BTBD7: variants seen among roughly 807,000 people sequenced by gnomAD.
The protein encoded by BTBD7 is BTB/POZ domain-containing protein 7.
A neutral mutation model predicts 99.9 loss-of-function variants in BTBD7; 38 were observed. The ratio of observed to expected loss-of-function variants is 0.38; its 90% CI spans 0.29 to 0.50. BTBD7 has a LOEUF of 0.50. BTBD7 is among the 20% of genes least tolerant of loss of function. BTBD7 has a pLI of 0.93. For missense variants in BTBD7, 1,170 were observed against 1,394.6 expected, an observed-to-expected ratio of 0.84 and a Z score of 2.57; for synonymous variants, 520 against 511.4, an observed-to-expected ratio of 1.02 and a Z score of -0.23.
At chr14:93,269,255 T>C (rs2052575419) in intron 3 of BTBD7, among the ~76,000 whole-genome samples, 1 of 152,180 alleles carries the variant, frequency 6.6e-6, no homozygotes, top group Admixed American at 6.5e-5. Flanking sequence ...TTTAATCTGA[T>C]GGTAAAGGAT....
At chr14:93,313,861 G>C (rs2053168478) in intron 1 of BTBD7, among the ~76,000 whole-genome samples, 1 of 152,008 alleles carries the variant, frequency 6.6e-6, no homozygotes, top group South Asian at 2.1e-4. Flanking sequence ...AGCCTCCCAA[G>C]TAGCTAGGAC....
At chr14:93,251,350 A>G in intron 8 of BTBD7, 113 bp downstream of exon 8, 1 of 1,158,160 alleles carries the variant, frequency 8.6e-7, no homozygotes, top group Admixed American at 2.6e-5. Context: ...CAAGGCATAA[A>G]AAGTATTGAA....
intron 3 of BTBD7, among the ~76,000 whole-genome samples, chr14:93,280,173 A>C (rs2052702326): frequency 6.6e-6 from 1 of 152,256 alleles, no homozygotes; most frequent in African/African-American, 2.4e-5. Flanking sequence ...AGGCACAAAA[A>C]TAACAACTAA....
intron 3 of BTBD7, among the ~76,000 whole-genome samples, chr14:93,276,174 C>A (rs114858704): frequency 6.6e-6 from 1 of 152,168 alleles, no homozygotes; most frequent in African/African-American, 2.4e-5. Flanking sequence ...TGTGATCATG[C>A]CACTGCAGCA....
intron 7 of BTBD7, among the ~76,000 whole-genome samples, chr14:93,252,513 C>T (rs1195723256): frequency 1.3e-5 from 2 of 149,990 alleles, no homozygotes; most frequent in African/African-American, 2.4e-5. Flanking sequence ...CACACCACCA[C>T]GCCTGGCTAG....
intron 1 of BTBD7, among the ~76,000 whole-genome samples, chr14:93,316,009 T>C (rs1210862393): frequency 6.6e-6 from 1 of 150,576 alleles, no homozygotes; most frequent in Non-Finnish European, 1.5e-5. Flanking sequence ...TGGAGTACAA[T>C]GGTGTGATCT....
In BTBD7 at chr14:93,322,807, GTCT is replaced by G. The variant is rs1378127078; in HGVS notation, c.-107+10010_-107+10012del. ...TTTAAAGGTATACTCTATTCCTCTT[GTCT>G]TCATTTTAAAAATAACTACAAGGCT... On this transcript the variant is annotated intron_variant, in intron 1 of 10. Transcript: ENST00000334746. Among the ~76,000 whole-genome samples, 3 of 152,108 alleles carry G rather than the reference GTCT, an allele frequency of 2.0e-5. No homozygotes were observed. The East Asian group carries it at 5.8e-4, about 29-fold the overall frequency.
rs2052761628 is a variant in BTBD7, at chr14:93,285,060, GCTT to G, written c.1162+8795_1162+8797del. On this transcript the variant is annotated intron_variant, in intron 3 of 10. Coordinates refer to ENST00000334746, the MANE Select transcript of BTBD7 (RefSeq NM_001002860.4). Reference sequence around the variant, plus strand: ...TCTGATCTGTTGATAATGGTCTTTAGCTTGGCCCCATTCTTCTCTAGGAAGTAC... The same window carrying G: ...TCTGATCTGTTGATAATGGTCTTTAGGGCCCCATTCTTCTCTAGGAAGTAC... Among the ~76,000 whole-genome samples the G allele has an allele frequency of 2.0e-5, 3 of 152,220 alleles. No individual in the cohort carries two copies. In the East Asian group the frequency reaches 5.8e-4, roughly 29 times the overall value.
rs921054862 is a variant in BTBD7, at chr14:93,242,016, G to C, written c.*257C>G. ...TCATTTGTAAAGAGAAATAAAAAGTGCCAGCCTGCTTGTTCTTAAAAATGC... is the reference window on the plus strand; with the variant it reads ...TCATTTGTAAAGAGAAATAAAAAGTCCCAGCCTGCTTGTTCTTAAAAATGC... On this transcript the variant is annotated 3_prime_UTR_variant, in exon 11 of 11. Coordinates refer to ENST00000334746, the MANE Select transcript of BTBD7 (RefSeq NM_001002860.4). 2.1e-6 allele frequency: 1 copy of C among 472,492 alleles called. No homozygotes were observed. 29.3% of individuals were successfully genotyped at this position (472,492 alleles called of 1,614,324 possible).
Position 93,240,956 on chromosome 14 carries a change from T to G in BTBD7, c.*1317A>C, listed in dbSNP as rs1408963585. 6.6e-6 allele frequency: 1 copy of G among 152,558 alleles called. No individual in the cohort carries two copies. The highest frequency in any genetic ancestry group is 2.4e-5 in the African/African-American group (1 of 41,448). 9.5% of individuals were successfully genotyped at this position (152,558 alleles called of 1,614,324 possible). A position where few individuals can be genotyped will look rare whatever the true frequency, so the allele number is the denominator to read the frequency against. On this transcript the variant is annotated 3_prime_UTR_variant, in exon 11 of 11. Transcript: ENST00000334746. ...AATTTAGACATATTTTGAAAATCGTTTAAAAGAAAACGTATCTTTACAAAC... is the reference window on the plus strand; with the variant it reads ...AATTTAGACATATTTTGAAAATCGTGTAAAAGAAAACGTATCTTTACAAAC...
At chr14:93,322,138 GTCTCAT>G (rs1454763286) in intron 1 of BTBD7, among the ~76,000 whole-genome samples, 5 of 152,124 alleles carry the variant, frequency 3.3e-5, no homozygotes, top group African/African-American at 9.7e-5. Flanking sequence ...TAGAGACAGG[GTCTCAT>G]TCTGTCAACC....
intron 3 of BTBD7, 117 bp from the exon 4 acceptor site, chr14:93,264,110 A>G: frequency 1.2e-6 from 1 of 861,528 alleles, no homozygotes; most frequent in South Asian, 1.7e-5. Flanking sequence ...AAGGAGATAA[A>G]TAAAATCTCA....
rs146686071 is a variant in BTBD7 at position 93,332,938 on chromosome 14, A to ACCGCCG, written c.-231_-226dup. The ACCGCCG allele has an allele frequency of 9.6e-6, 7 of 726,730 alleles. No homozygotes were observed. Among genetic ancestry groups the ACCGCCG allele is most frequent in the Admixed American group, 4.1e-5 (1 of 24,682 alleles). The allele number at this position is 726,730 out of a possible 1,614,324, so 45.0% of individuals were successfully genotyped here. ...CAGCACCCCCGGCCATCCTCCTCCCACCGCCGCCGCCGCCGCCCTCTCCTC... is the reference window on the plus strand; with the variant it reads ...CAGCACCCCCGGCCATCCTCCTCCCACCGCCGCCGCCGCCGCCGCCGCCCTCTCCTC... On this transcript the variant is annotated 5_prime_UTR_variant, in exon 1 of 11. Transcript: ENST00000334746.
rs756695238 is a variant in BTBD7 at position 93,242,320 on chromosome 14, T to A, written c.3352A>T (p.Arg1118Trp). ...AGGAAGTCCGGCTTGCTTGGTGACC[T>A]CCTTCCTCTGCTTATTGAATCTTCC... ...EREDSISRGRRSPSKPDFLYK... is the reference protein window; with the variant it reads ...EREDSISRGRWSPSKPDFLYK... The change falls in exon 11 of 11, where the codon AGG (arginine) becomes TGG (tryptophan). Residue 1118 changes from arginine (R) to tryptophan (W), a missense_variant. By Grantham distance (101) the Arg-to-Trp change is moderately radical. Transcript: ENST00000334746. 2.5e-6 allele frequency: 4 copies of A among 1,614,082 alleles called. No individual in the cohort carries two copies. The African/African-American group carries it at 5.3e-5, about 22-fold the overall frequency.
intron 3 of BTBD7, among the ~76,000 whole-genome samples, chr14:93,286,226 G>C (rs548327711): frequency 6.1e-4 from 93 of 152,328 alleles, no homozygotes; most frequent in African/African-American, 2.1e-3. Flanking sequence ...TGACCTTTAA[G>C]GCTTTTCTAC....
intron 1 of BTBD7, among the ~76,000 whole-genome samples, chr14:93,311,618 T>C (rs749108942): frequency 3.3e-5 from 5 of 152,150 alleles, no homozygotes; most frequent in Non-Finnish European, 5.9e-5. Flanking sequence ...ATTTCTCCTT[T>C]CTCACATATG....
At position 93,238,939 on chromosome 14, in the gene BTBD7, C is replaced by T. The variant is rs1460585899; in HGVS notation, c.*3334G>A. The T allele has an allele frequency of 2.0e-5, 3 of 152,138 alleles. No homozygotes were observed. The highest frequency in any genetic ancestry group is 7.2e-5 in the African/African-American group (3 of 41,418). The allele number at this position is 152,138 out of a possible 1,614,324, so 9.4% of individuals were successfully genotyped here. On this transcript the variant is annotated 3_prime_UTR_variant, in exon 11 of 11. Coordinates refer to ENST00000334746, the MANE Select transcript of BTBD7 (RefSeq NM_001002860.4). ...CAAAAACAAGAATTAGTTAAGGCTT[C>T]ATAAAGAATTCTATAAGAAGATTTA...
chr14:93,288,494 A>G, intron 3 of BTBD7: 1 of 756,276 alleles, frequency 1.3e-6, no homozygotes, highest in African/African-American at 1.7e-5. Flanking sequence ...CTTTTATATA[A>G]GGATATTTTG....
chr14:93,280,313 A>C (rs2052704051), intron 3 of BTBD7, among the ~76,000 whole-genome samples: 1 of 152,222 alleles, frequency 6.6e-6, no homozygotes, highest in South Asian at 2.1e-4. Context: ...CGGTTTCAAA[A>C]TTCAGCACTG....
Sources: gnomAD v4.1 joint callset for allele counts (sites outside exome capture counted in the v4.1 genomes callset) on GRCh38, gnomAD v4.1.1 for gene constraint, MANE v1.5 for transcripts, NCBI Gene and HGNC (gene_info 2026-07-23, HGNC 2026-07-21) for gene names.